Variants in MIA3 observed in about 807,000 individuals in gnomAD.
MIA3 encodes the protein MIA SH3 domain ER export factor 3, also known as transport and Golgi organization protein 1 homolog.
MIA3 carries 90 observed loss-of-function variants against 192.4 expected under a neutral mutation model. That is an observed-to-expected ratio of 0.47 (90% CI 0.39 to 0.56). The LOEUF is 0.56. MIA3 is among the 20% of genes least tolerant of loss of function. MIA3 has a pLI of 0.00. For synonymous variants in MIA3, 740 were observed against 792.8 expected, an observed-to-expected ratio of 0.93 and a Z score of 1.12; for missense variants, 2,123 against 2,269.4, an observed-to-expected ratio of 0.94 and a Z score of 1.31.
In MIA3 at chr1:222,629,731, G is replaced by T. The variant is rs1476788410; in HGVS notation, c.2511G>T (p.Gln837His). The T allele has an allele frequency of 6.2e-7, 1 of 1,614,070 alleles. No individual in the cohort carries two copies. The highest frequency in any genetic ancestry group is 8.5e-7 in the Non-Finnish European group (1 of 1,180,036). ...RSDFSDSIKI[Q>H]TPELGEVFQN... Reference sequence around the variant, plus strand: ...ACTTTTCTGACAGCATAAAAATTCAGACTCCAGAATTAGGTGAAGTGTTTC... The same window carrying T: ...ACTTTTCTGACAGCATAAAAATTCATACTCCAGAATTAGGTGAAGTGTTTC... The change falls in exon 4 of 28, where the codon CAG (glutamine) becomes CAT (histidine). Residue 837 changes from glutamine to histidine, a missense_variant. Transcript: ENST00000344922.
intron 1 of MIA3, 53 bp downstream of exon 1, chr1:222,618,296 C>T: frequency 7.6e-7 from 1 of 1,317,420 alleles, no homozygotes; most frequent in Non-Finnish European, 9.8e-7. Flanking sequence ...TTGGGGTCTC[C>T]GCCGGCCCCG....
chr1:222,641,627 G>A (rs761046320), intron 6 of MIA3: 3 of 531,060 alleles, frequency 5.6e-6, no homozygotes, highest in Non-Finnish European at 1.1e-5. Context: ...ATGAGCACAT[G>A]TTCCACATCA....
rs765911444 is a variant in MIA3, at chr1:222,627,867, A to G, written c.647A>G (p.Gln216Arg). The G allele has an allele frequency of 3.7e-6, 6 of 1,613,992 alleles. No homozygotes were observed. Among genetic ancestry groups the G allele is most frequent in the African/African-American group, 2.7e-5 (2 of 74,948 alleles). Residue 216 changes from glutamine to arginine, a missense_variant, in exon 4 of 28, where the codon CAA (glutamine) becomes CGA (arginine). This residue lies in a region of MIA3 where 1,357 missense variants were observed against 1,396.1 expected (regional missense o/e 0.97). Transcript: ENST00000344922. ...AAGCACCACTCCCATGCAAACAGCC[A>G]AGCAAATCATGCTCAGGGAGAGCAG... is the stretch of plus-strand genomic sequence containing the variant. Reference protein sequence around the residue: ...TQKHHSHANSQANHAQGEQAS... With the variant: ...TQKHHSHANSRANHAQGEQAS...
Position 222,628,342 on chromosome 1 carries a change from T to C in MIA3, c.1122T>C (p.Asn374=). 6.2e-7 allele frequency: 1 copy of C among 1,613,486 alleles called. No individual in the cohort carries two copies. Among genetic ancestry groups the C allele is most frequent in the Non-Finnish European group, 8.5e-7 (1 of 1,179,838 alleles). The change falls in exon 4 of 28, where the codon AAT becomes AAC. Residue 374 remains asparagine, a synonymous_variant. Coordinates refer to ENST00000344922, the MANE Select transcript of MIA3 (RefSeq NM_198551.4). ...VQLTVPPGIK[N]DDKNILTTWG... ...TAACTGTGCCCCCTGGCATCAAAAA[T>C]GATGATAAAAATATACTAACAACCT...
chr1:222,630,482 C>T (rs1207909213), intron 4 of MIA3, 93 bp downstream of exon 4: 1 of 1,322,474 alleles, frequency 7.6e-7, no homozygotes, highest in African/African-American at 1.5e-5. Flanking sequence ...TGTTCAGTTT[C>T]CAATGTGCCT....
intron 3 of MIA3, among the ~76,000 whole-genome samples, chr1:222,626,388 C>T (rs371701209): frequency 6.6e-6 from 1 of 151,834 alleles, no homozygotes; most frequent in Admixed American, 6.6e-5. Flanking sequence ...TGCATGATTC[C>T]CTTAATATTA....
At chr1:222,657,035 G>A (rs1417341619) in intron 18 of MIA3, among the ~76,000 whole-genome samples, 1 of 152,174 alleles carries the variant, frequency 6.6e-6, no homozygotes, top group Non-Finnish European at 1.5e-5. Flanking sequence ...TGATTACATT[G>A]TCTTGTCTTG....
In MIA3 at chr1:222,630,332, A is replaced by G. The variant is rs1484422843; in HGVS notation, c.3112A>G (p.Thr1038Ala). 6.2e-7 allele frequency: 1 copy of G among 1,613,930 alleles called. No individual in the cohort carries two copies. The highest frequency in any genetic ancestry group is 1.7e-5 in the Admixed American group (1 of 59,970). The change falls in exon 4 of 28, where the codon ACA (threonine) becomes GCA (alanine). Residue 1038 changes from threonine (T) to alanine (A), a missense_variant. Transcript: ENST00000344922. The part of the protein sequence containing the change: ...VRYKHSTAEE[T>A]ATLVMAPPLE... The stretch of plus-strand genomic sequence containing the variant: ...GTACAAGCACTCCACAGCAGAGGAG[A>G]CAGCCACACTGGTGATGGCACCACC...
At position 222,632,271 on chromosome 1, in the gene MIA3, C is replaced by T; in HGVS notation, c.3276C>T (p.Asp1092=). The stretch of plus-strand genomic sequence containing the variant: ...ACTTGGACCAACGTGTGATTGGGGA[C>T]ACTCATGCCTCAGAAGTGTCACAGA... ...PTHLDQRVIG[D]THASEVSQKP... The change falls in exon 5 of 28, where the codon GAC becomes GAT. Residue 1092 remains aspartate (D), a synonymous_variant. Transcript: ENST00000344922. The T allele has an allele frequency of 6.2e-7, 1 of 1,614,150 alleles. No homozygotes were observed. The highest frequency in any genetic ancestry group is 8.5e-7 in the Non-Finnish European group (1 of 1,180,008).
chr1:222,642,963 AC>A (rs1662928888), intron 6 of MIA3, among the ~76,000 whole-genome samples: 1 of 152,218 alleles, frequency 6.6e-6, no homozygotes, highest in South Asian at 2.1e-4. Context: ...ATAATATGTT[AC>A]AAATATTTTT....
Position 222,629,441 on chromosome 1 carries a change from C to T in MIA3, c.2221C>T (p.Arg741Trp), listed in dbSNP as rs199979587. The change falls in exon 4 of 28, where the codon CGG becomes TGG. Residue 741 changes from arginine to tryptophan, a missense_variant. Arg to Trp is a moderately radical substitution (Grantham distance 101). Coordinates refer to ENST00000344922, the MANE Select transcript of MIA3 (RefSeq NM_198551.4). ...LEDENAINAK[R>W]SKEKNPGNQG... is the part of the protein sequence containing the mutation. The stretch of plus-strand genomic sequence containing the variant: ...GGATGAAAACGCTATAAATGCAAAA[C>T]GGTCTAAAGAAAAAAACCCTGGGAA... 244 of 1,614,094 alleles carry T rather than the reference C, an allele frequency of 1.5e-4. No individual in the cohort carries two copies. The highest frequency in any genetic ancestry group is 1.8e-4 in the Non-Finnish European group (218 of 1,180,000).
intron 6 of MIA3, chr1:222,641,613 A>G: frequency 1.9e-6 from 1 of 528,732 alleles, no homozygotes; most frequent in Non-Finnish European, 3.8e-6. Flanking sequence ...CAGTTCCTAC[A>G]TCAATGAGCA....
intron 6 of MIA3, among the ~76,000 whole-genome samples, chr1:222,635,759 GGAAGAGACCTTA>G (rs1411259106): frequency 6.6e-6 from 1 of 152,134 alleles, no homozygotes; most frequent in Non-Finnish European, 1.5e-5. Context: ...TCTTAGGGTT[GGAAGAGACCTTA>G]GAAGCTACTA....
At chr1:222,632,388 T>G in intron 5 of MIA3, 62 bp downstream of exon 5, 1 of 1,420,698 alleles carries the variant, frequency 7.0e-7, no homozygotes, top group Non-Finnish European at 9.7e-7. Flanking sequence ...TTCTAGGAGA[T>G]TCATTGTCAA....
rs114895994 is a variant in MIA3 at position 222,634,061 on chromosome 1, C to T, written c.3477+812C>T. Reference sequence around the variant, plus strand: ...TTTGTGATGTTGCCCAGGTTGGTCTCGAACTCCTGAGCCCATGGGAGCTGC... The same window carrying T: ...TTTGTGATGTTGCCCAGGTTGGTCTTGAACTCCTGAGCCCATGGGAGCTGC... On this transcript the variant is annotated intron_variant, in intron 6 of 27. Transcript: ENST00000344922. Among the ~76,000 whole-genome samples the T allele has an allele frequency of 4.0e-3, 601 of 152,146 alleles. 4 individuals are homozygous for T. Among genetic ancestry groups the T allele is most frequent in the African/African-American group, 0.014 (568 of 41,508 alleles).
chr1:222,664,130 C>T lies in MIA3; in HGVS notation c.5395C>T (p.Pro1799Ser). 6.2e-7 allele frequency: 1 copy of T among 1,614,150 alleles called. No homozygotes were observed. The highest frequency in any genetic ancestry group is 8.5e-7 in the Non-Finnish European group (1 of 1,179,998). The change falls in exon 27 of 28, where the codon CCA becomes TCA. Residue 1799 changes from proline to serine, a missense_variant. Pro to Ser is a moderately conservative substitution (Grantham distance 74). Around this residue, in one of 3 missense-constraint regions of MIA3, gnomAD observed 762 missense variants for 856.4 expected, o/e 0.89. Coordinates refer to ENST00000344922, the MANE Select transcript of MIA3 (RefSeq NM_198551.4). Reference protein sequence around the residue: ...PQLCGPFGPRPLPPPFGPGMR... With the variant: ...PQLCGPFGPRSLPPPFGPGMR... The stretch of plus-strand genomic sequence containing the variant: ...GCTCTGCGGACCTTTTGGGCCTCGG[C>T]CACTTCCTCCACCCTTTGGTAAGAT...
intron 2 of MIA3, among the ~76,000 whole-genome samples, chr1:222,624,519 T>C (rs1662020773): frequency 6.6e-6 from 1 of 152,186 alleles, no homozygotes; most frequent in South Asian, 2.1e-4. Flanking sequence ...AAAAGTGATC[T>C]CTTGTGGTTC....
At chr1:222,648,878 G>A in intron 8 of MIA3, 28 bp downstream of exon 8, 5 of 1,382,138 alleles carry the variant, frequency 3.6e-6, no homozygotes, top group Non-Finnish European at 4.1e-6. Context: ...TTTGTTATTT[G>A]TACTAGTCCC....
At position 222,629,393 on chromosome 1, in the gene MIA3, T is replaced by C. The variant is rs201702633; in HGVS notation, c.2173T>C (p.Tyr725His). The change falls in exon 4 of 28, where the codon TAT becomes CAT. Residue 725 changes from tyrosine (Y) to histidine (H), a missense_variant. Physicochemically the swap from Tyr to His is moderately conservative, Grantham distance 83. This residue lies in a region of MIA3 where 1,357 missense variants were observed against 1,396.1 expected (regional missense o/e 0.97). Transcript: ENST00000344922. The part of the protein sequence containing the change: ...AFLSKVEEDD[Y>H]PSEELLEDEN... ...CCTTTCTAAAGTAGAAGAGGATGAT[T>C]ATCCCTCTGAAGAACTACTAGAGGA... 69 of 1,614,188 alleles carry C rather than the reference T, an allele frequency of 4.3e-5. No homozygotes were observed. In the African/African-American group the frequency reaches 8.9e-4, roughly 21 times the overall value.
Sources: gnomAD v4.1 joint callset for allele counts (sites outside exome capture counted in the v4.1 genomes callset) on GRCh38, gnomAD v4.1.1 for gene constraint, gnomAD v4.1.1 regional missense constraint, MANE v1.5 for transcripts, NCBI Gene and HGNC (gene_info 2026-07-23, HGNC 2026-07-21) for gene names.